USP50: variants seen among roughly 807,000 people sequenced by gnomAD.
The protein encoded by USP50 is ubiquitin specific peptidase 50.
Under a neutral mutation model 39.2 loss-of-function variants are expected in USP50, and 37 were observed. The ratio of observed to expected loss-of-function variants is 0.94; its 90% CI spans 0.73 to 1.24. The LOEUF (loss-of-function observed/expected upper bound fraction) is 1.24. USP50 is among the 50% of genes most tolerant of loss of function. The pLI is 0.00. For synonymous variants in USP50, 139 were observed against 144.5 expected, an observed-to-expected ratio of 0.96 and a Z score of 0.27; for missense variants, 374 against 398.2, an observed-to-expected ratio of 0.94 and a Z score of 0.52.
chr15:50,493,510 T>C (rs1489182738), downstream of USP50: 7 of 518,088 alleles, frequency 1.4e-5, no homozygotes, highest in Middle Eastern at 3.2e-4. Context: ...CCTAGCACTT[T>C]GGGAGGCTGA....
downstream of USP50, chr15:50,498,441 C>T: frequency 1.0e-6 from 1 of 975,808 alleles, no homozygotes; most frequent in East Asian, 2.8e-5. Context: ...GAAATGAAGC[C>T]AAATGTCTTT....
intron 6 of USP50, chr15:50,507,773 TAA>T (rs1252414013): frequency 6.6e-6 from 1 of 152,036 alleles, no homozygotes; most frequent in African/African-American, 2.4e-5. Flanking sequence ...TCAACAAATG[TAA>T]AAGAGTTAGT....
downstream of USP50, chr15:50,498,874 G>C (rs771047886): frequency 4.5e-6 from 7 of 1,564,466 alleles, no homozygotes; most frequent in East Asian, 4.5e-5. Context: ...TAACTGAATT[G>C]ATTTTTTTTT....
chr15:50,525,650 G>GTA (rs1309648274), intron 6 of USP50, among the ~76,000 whole-genome samples: 5,758 of 99,848 alleles, frequency 0.058, 662 homozygotes, highest in African/African-American at 0.086. Context: ...ATGTGTATAT[G>GTA]TATATGTATA....
Position 50,509,993 on chromosome 15 carries a change from A to T in USP50, c.937-9156T>A, listed in dbSNP as rs567743150. 128 of 152,258 alleles carry T rather than the reference A, an allele frequency of 8.4e-4. 1 individual carries two copies. Among genetic ancestry groups the T allele is most frequent in the African/African-American group, 3.0e-3 (124 of 41,586 alleles). The allele number at this position is 152,258 out of a possible 1,614,324, so 9.4% of individuals were successfully genotyped here. On this transcript the variant is annotated intron_variant, in intron 6 of 6. Transcript: ENST00000532404. The stretch of plus-strand genomic sequence containing the variant: ...CTGCCAGATATCAATGTTTATTTCA[A>T]AGCTATAGCTATAATTAATATTCAT...
At chr15:50,515,589 G>A (rs1234434319) in intron 6 of USP50, among the ~76,000 whole-genome samples, 1 of 151,614 alleles carries the variant, frequency 6.6e-6, no homozygotes, top group Non-Finnish European at 1.5e-5. Context: ...GAAAAGGACA[G>A]TTTAAGAAAG....
chr15:50,512,720 G>C (rs1156868660), intron 6 of USP50: 2 of 150,218 alleles, frequency 1.3e-5, no homozygotes, highest in African/African-American at 4.9e-5. Context: ...TGAAACCAGG[G>C]GGTGGAGGTT....
intron 6 of USP50, among the ~76,000 whole-genome samples, chr15:50,517,980 G>A (rs768581373): frequency 6.6e-5 from 10 of 152,156 alleles, no homozygotes; most frequent in Non-Finnish European, 1.2e-4. Flanking sequence ...GATTAATGAC[G>A]TGAGTCATCA....
At chr15:50,537,054 G>C (rs1307092425) in intron 5 of USP50, among the ~76,000 whole-genome samples, 2 of 151,748 alleles carry the variant, frequency 1.3e-5, no homozygotes, top group Non-Finnish European at 2.9e-5. Context: ...TTTAAAACCA[G>C]AATAATCAAG....
intron 5 of USP50, among the ~76,000 whole-genome samples, chr15:50,535,135 T>TCACACACACA (rs113407791): frequency 8.3e-5 from 12 of 144,516 alleles, no homozygotes; most frequent in Non-Finnish European, 1.7e-4. Context: ...TGAAACTCTG[T>TCACACACACA]CACACACACA....
chr15:50,526,380 AG>A (rs2052898756), intron 6 of USP50, among the ~76,000 whole-genome samples: 1 of 152,086 alleles, frequency 6.6e-6, no homozygotes, highest in African/African-American at 2.4e-5. Flanking sequence ...TTCTTTACCT[AG>A]GTGGCAAATA....
At chr15:50,526,338 G>A (rs2052898492) in intron 6 of USP50, among the ~76,000 whole-genome samples, 1 of 152,154 alleles carries the variant, frequency 6.6e-6, no homozygotes, top group South Asian at 2.1e-4. Flanking sequence ...GGGACTACAG[G>A]CGTGAGCCAC....
chr15:50,496,896 C>G, downstream of USP50: 1 of 627,048 alleles, frequency 1.6e-6, no homozygotes, highest in Non-Finnish European at 2.6e-6. Context: ...GTAGCACTCA[C>G]CACACTCTGT....
intron 6 of USP50, among the ~76,000 whole-genome samples, chr15:50,515,652 G>GTA (rs35695423): frequency 0.034 from 5,013 of 147,524 alleles, 168 homozygotes; most frequent in African/African-American, 0.087. Context: ...ATATATATGT[G>GTA]TATATATATA....
chr15:50,537,161 A>G (rs1055686156), intron 5 of USP50, among the ~76,000 whole-genome samples: 2 of 152,182 alleles, frequency 1.3e-5, no homozygotes, highest in African/African-American at 4.8e-5. Context: ...ATCATTGACA[A>G]AGGAACAAAG....
intron 3 of USP50, among the ~76,000 whole-genome samples, chr15:50,542,527 C>T (rs886300994): frequency 3.4e-5 from 4 of 118,414 alleles, no homozygotes; most frequent in Admixed American, 2.5e-4. Flanking sequence ...CTTGCTCTGT[C>T]GTCCAGGCTG....
chr15:50,525,436 T>C (rs1596013566), intron 6 of USP50, among the ~76,000 whole-genome samples: 1 of 151,598 alleles, frequency 6.6e-6, no homozygotes, highest in Admixed American at 6.6e-5. Flanking sequence ...GTGAGGAATA[T>C]GTTAGCTTGA....
intron 6 of USP50, among the ~76,000 whole-genome samples, chr15:50,524,984 T>C (rs1029803550): frequency 6.6e-6 from 1 of 152,188 alleles, no homozygotes; most frequent in East Asian, 1.9e-4. Context: ...TACATGCCCA[T>C]GCTCATTGCA....
At chr15:50,539,602 G>C (rs934407569) in intron 4 of USP50, among the ~76,000 whole-genome samples, 11 of 151,744 alleles carry the variant, frequency 7.2e-5, no homozygotes, top group African/African-American at 2.4e-4. Context: ...TTTTCATAGA[G>C]ATGGGGTTTC....
Sources: allele counts gnomAD v4.1 joint callset (sites outside exome capture counted in the v4.1 genomes callset), GRCh38; gene constraint gnomAD v4.1.1; transcripts MANE v1.5; gene names NCBI Gene and HGNC (gene_info 2026-07-23, HGNC 2026-07-21).